The following EPHB1 variants were observed in gnomAD, a reference collection of about 807,000 sequenced individuals.
The protein encoded by EPHB1 is ephrin type-B receptor 1.
In EPHB1, 30 loss-of-function variants were observed where a neutral mutation model predicts 94.4. The observed-to-expected ratio is 0.32, with a 90% CI of 0.24 to 0.43. EPHB1 has a LOEUF of 0.43. EPHB1 is among the 20% of genes least tolerant of loss of function. The probability of loss-of-function intolerance (pLI) is 1.00; values close to 1 mark genes in which losing one functional copy is unlikely to be tolerated. For missense variants in EPHB1, 1,055 were observed against 1,308.3 expected (o/e 0.81, Z 2.99); for synonymous variants, 522 against 489.1 (o/e 1.07, Z -0.89).
chr3:135,082,985 G>A (rs1576369821), intron 3 of EPHB1, among the ~76,000 whole-genome samples: 1 of 152,156 alleles, frequency 6.6e-6, no homozygotes. Flanking sequence ...GCTTCCGTGC[G>A]AGGGGCCTGA....
intron 7 of EPHB1, among the ~76,000 whole-genome samples, chr3:135,163,063 C>A (rs939441004): frequency 4.6e-5 from 7 of 152,166 alleles, no homozygotes; most frequent in African/African-American, 7.2e-5. Context: ...ATTTTTCCTT[C>A]ATTAATTAAA....
At chr3:134,931,422 CTG>C (rs1469719303) in intron 2 of EPHB1, among the ~76,000 whole-genome samples, 1 of 152,248 alleles carries the variant, frequency 6.6e-6, no homozygotes, top group Non-Finnish European at 1.5e-5. Flanking sequence ...CCATTGGCCT[CTG>C]TGTGTGTAAG....
intron 3 of EPHB1, among the ~76,000 whole-genome samples, chr3:134,974,916 C>CCCTT (rs1424307775): frequency 2.0e-5 from 3 of 152,182 alleles, no homozygotes; most frequent in Non-Finnish European, 4.4e-5. Context: ...CACCTCCCTG[C>CCCTT]CCTTCTTCCT....
At position 135,167,094 on chromosome 3, in the gene EPHB1, C is replaced by A. The variant is rs1576440511; in HGVS notation, c.1759+88C>A. ...GCTCAGAGCTCTCTTTATAGCCAGA[C>A]TGGCTGGTCCCAGTGGCAAGTTCTC... On this transcript the variant is annotated intron_variant, in intron 9 of 15. Coordinates refer to ENST00000398015, the MANE Select transcript of EPHB1 (RefSeq NM_004441.5). 6 of 1,482,246 alleles carry A rather than the reference C, an allele frequency of 4.0e-6. No individual in the cohort carries two copies. In the East Asian group the frequency reaches 9.2e-5, roughly 23 times the overall value. 91.8% of individuals were successfully genotyped at this position (1,482,246 alleles called of 1,614,324 possible). A position where few individuals can be genotyped will look rare whatever the true frequency, so the allele number is the denominator to read the frequency against.
rs1943977802 is a variant in EPHB1 at position 135,248,381 on chromosome 3, C to G, written c.2562C>G (p.His854Gln). Residue 854 changes from histidine to glutamine, a missense_variant, in exon 14 of 16, where the codon CAC (histidine) becomes CAG (glutamine). Physicochemically the swap from His to Gln is conservative, Grantham distance 24. Coordinates refer to ENST00000398015, the MANE Select transcript of EPHB1 (RefSeq NM_004441.5). ...CCATGGACTGTCCAGCTGCTCTACA[C>G]CAGCTCATGCTGGACTGTTGGCAGA... ...PPPMDCPAAL[H>Q]QLMLDCWQKD... 6.2e-7 allele frequency: 1 copy of G among 1,613,656 alleles called. No homozygotes were observed. Among genetic ancestry groups the G allele is most frequent in the Non-Finnish European group, 8.5e-7 (1 of 1,179,636 alleles).
rs1357303847 is a variant in EPHB1 at position 135,005,004 on chromosome 3, A to C, written c.805+52952A>C. On this transcript the variant is annotated intron_variant, in intron 3 of 15. Transcript: ENST00000398015. ...CAGCTTTGTTCCGTTGCTGGTGAGG[A>C]GCTGCGTTCCTTTGCAGGAGGAGAG... 2.6e-5 allele frequency among the ~76,000 whole-genome samples: 4 copies of C among 152,266 alleles called. No individual in the cohort carries two copies. In the East Asian group the frequency reaches 7.7e-4, roughly 29 times the overall value.
intron 3 of EPHB1, among the ~76,000 whole-genome samples, chr3:135,099,215 T>G (rs1938934682): frequency 6.6e-6 from 1 of 152,064 alleles, no homozygotes; most frequent in African/African-American, 2.4e-5. Context: ...TATGTGTAAG[T>G]TTGTGCTAAG....
At chr3:135,088,392 A>G (rs1938435297) in intron 3 of EPHB1, among the ~76,000 whole-genome samples, 2 of 152,352 alleles carry the variant, frequency 1.3e-5, no homozygotes, top group South Asian at 4.1e-4. Flanking sequence ...CTTCTCATAT[A>G]GTTTCATCGA....
chr3:134,987,088 T>C (rs1934627036), intron 3 of EPHB1, among the ~76,000 whole-genome samples: 1 of 152,174 alleles, frequency 6.6e-6, no homozygotes, highest in Non-Finnish European at 1.5e-5. Flanking sequence ...CATGAAATAC[T>C]GGGCACTCAC....
rs757443471 is a variant in EPHB1 at position 135,249,322 on chromosome 3, C to G, written c.2691-14C>G. ...CTGCAATGTGTGGTCACCTGCCCAT[C>G]TCTGTCTCACCAGGCCTTCCCAGCC... On this transcript the variant is annotated splice_polypyrimidine_tract_variant and intron_variant, in intron 14 of 15. Coordinates refer to ENST00000398015, the MANE Select transcript of EPHB1 (RefSeq NM_004441.5). 1.6e-5 allele frequency: 25 copies of G among 1,604,850 alleles called. No individual in the cohort carries two copies. The highest frequency in any genetic ancestry group is 2.1e-5 in the Non-Finnish European group (25 of 1,176,046).
chr3:134,983,517 G>A (rs916386201), intron 3 of EPHB1, among the ~76,000 whole-genome samples: 1 of 152,250 alleles, frequency 6.6e-6, no homozygotes, highest in African/African-American at 2.4e-5. Flanking sequence ...CTCAGGAGAG[G>A]GGTCATGTTG....
chr3:135,139,767 G>A (rs9845977), intron 5 of EPHB1, among the ~76,000 whole-genome samples: 6,529 of 152,278 alleles, frequency 0.043, 223 homozygotes, highest in South Asian at 0.19. Context: ...ATGGAACCAC[G>A]TGTCGTTGCC....
chr3:134,834,677 G>C lies in EPHB1; in HGVS notation c.58+38988G>C, dbSNP rs182206529. Among the ~76,000 whole-genome samples, 8 of 152,288 alleles carry C rather than the reference G, an allele frequency of 5.3e-5. No individual in the cohort carries two copies. In the East Asian group the frequency reaches 1.4e-3, roughly 26 times the overall value. On this transcript the variant is annotated intron_variant, in intron 1 of 15. Coordinates refer to ENST00000398015, the MANE Select transcript of EPHB1 (RefSeq NM_004441.5). ...CCTGTGGCTCATACCCCTCGTTGGT[G>C]GTTGGCTTGTAATCCATAAGTTGAG...
chr3:134,908,755 G>A (rs537256887), intron 1 of EPHB1, among the ~76,000 whole-genome samples: 12 of 152,230 alleles, frequency 7.9e-5, no homozygotes, highest in Non-Finnish European at 1.5e-4. Context: ...AGGTGAGGAG[G>A]GGGAGGAGGA....
At chr3:135,136,945 A>G (rs983272973) in intron 5 of EPHB1, among the ~76,000 whole-genome samples, 23 of 152,220 alleles carry the variant, frequency 1.5e-4, no homozygotes, top group Admixed American at 1.4e-3. Context: ...AGAGATTGTT[A>G]TCACCACTAA....
chr3:134,829,839 G>A (rs1421927919), intron 1 of EPHB1, among the ~76,000 whole-genome samples: 4 of 152,118 alleles, frequency 2.6e-5, no homozygotes, highest in Non-Finnish European at 4.4e-5. Context: ...CAGGGAGTGC[G>A]CCATGAGAAC....
intron 3 of EPHB1, among the ~76,000 whole-genome samples, chr3:135,031,190 C>G (rs6782135): frequency 6.6e-5 from 10 of 152,172 alleles, no homozygotes; most frequent in South Asian, 2.1e-4. Flanking sequence ...TCTTCTGTGT[C>G]GTCAGGCTGA....
intron 3 of EPHB1, among the ~76,000 whole-genome samples, chr3:134,985,685 A>T (rs1024755657): frequency 6.6e-6 from 1 of 152,196 alleles, no homozygotes; most frequent in Non-Finnish European, 1.5e-5. Flanking sequence ...GATGAGTAAC[A>T]TGCCCAGCAC....
At chr3:134,826,602 C>G (rs2036483939) in intron 1 of EPHB1, among the ~76,000 whole-genome samples, 1 of 152,108 alleles carries the variant, frequency 6.6e-6, no homozygotes, top group African/African-American at 2.4e-5. Flanking sequence ...TTTAAAGCCC[C>G]TTGGAAATAT....
Sources: gnomAD v4.1 joint callset for allele counts (sites outside exome capture counted in the v4.1 genomes callset) on GRCh38, gnomAD v4.1.1 for gene constraint, MANE v1.5 for transcripts, NCBI Gene and HGNC (gene_info 2026-07-23, HGNC 2026-07-21) for gene names.